Variants in ANKH observed in about 807,000 individuals in gnomAD.
ANKH encodes ANKH inorganic pyrophosphate transport regulator.
Under a neutral mutation model 49.0 loss-of-function variants are expected in ANKH, and 15 were observed. The ratio of observed to expected loss-of-function variants is 0.31; its 90% confidence interval spans 0.20 to 0.47. The LOEUF (loss-of-function observed/expected upper bound fraction) is 0.47, where lower values mean the gene tolerates loss of function less well. Among genes scored for constraint, ANKH ranks in the 20% least tolerant of loss-of-function variants. The pLI is 1.00. For missense variants in ANKH, 429 were observed against 652.0 expected (o/e 0.66, Z 3.72); for synonymous variants, 273 against 260.0 (o/e 1.05, Z -0.48).
intron 1 of ANKH, among the ~76,000 whole-genome samples, chr5:14,840,650 GAAATGAC>G (rs1283760728): frequency 6.6e-6 from 1 of 152,192 alleles, no homozygotes; most frequent in African/African-American, 2.4e-5. Flanking sequence ...GTGGTTTCTA[GAAATGAC>G]AAATGATCTG....
intron 8 of ANKH, among the ~76,000 whole-genome samples, chr5:14,731,022 G>A (rs1236043703): frequency 6.6e-6 from 1 of 152,222 alleles, no homozygotes; most frequent in Admixed American, 6.5e-5. Context: ...GGCCAAGGCA[G>A]CAGCCACCAA....
chr5:14,826,838 C>T (rs1008838372), intron 1 of ANKH, among the ~76,000 whole-genome samples: 63 of 152,292 alleles, frequency 4.1e-4, no homozygotes, highest in African/African-American at 1.4e-3. Flanking sequence ...TGACTAACAT[C>T]CATGTTCTTT....
chr5:14,711,599 A>T (rs184680011), intron 11 of ANKH, among the ~76,000 whole-genome samples: 1 of 152,108 alleles, frequency 6.6e-6, no homozygotes, highest in Non-Finnish European at 1.5e-5. Context: ...GCCCTTTCCA[A>T]TGAGGGCTGC....
At chr5:14,857,906 G>A (rs1580121326) in intron 1 of ANKH, among the ~76,000 whole-genome samples, 1 of 152,246 alleles carries the variant, frequency 6.6e-6, no homozygotes, top group South Asian at 2.1e-4. Flanking sequence ...CAGGGGTGTG[G>A]GGCCGCTCTG....
intron 1 of ANKH, among the ~76,000 whole-genome samples, chr5:14,828,564 C>A (rs766491821): frequency 2.0e-5 from 3 of 151,952 alleles, no homozygotes; most frequent in Non-Finnish European, 4.4e-5. Context: ...CAAAAAGTTT[C>A]CTCTTCTTTT....
rs1407648893 is a variant in ANKH at position 14,798,331 on chromosome 5, A to G, written c.97-29140T>C. 3.2e-6 allele frequency: 5 copies of G among 1,568,074 alleles called. No homozygotes were observed. In the African/African-American group the frequency reaches 4.1e-5, roughly 13 times the overall value. ...TAAAGAAAAGGGGTGTTCTTTTTCC[A>G]TATTTTGTATTCCTTGTTGATCACT... is the stretch of plus-strand genomic sequence containing the variant. On this transcript the variant is annotated intron_variant, in intron 1 of 11. Coordinates refer to ENST00000284268, the MANE Select transcript of ANKH (RefSeq NM_054027.6).
chr5:14,725,459 G>A lies in ANKH; in HGVS notation c.1012-8624C>T, dbSNP rs532641247. On this transcript the variant is annotated intron_variant, in intron 8 of 11. Transcript: ENST00000284268. This position sits in a 1 kb window ranked among gnomAD's most constrained non-coding sequence, Gnocchi z 4.0. Reference sequence around the variant, plus strand: ...TGGTGACCAAGTTGATTCACATTCCGGTGCTAGCTTCTTATCCCATCACGG... The same window carrying A: ...TGGTGACCAAGTTGATTCACATTCCAGTGCTAGCTTCTTATCCCATCACGG... 5.3e-5 allele frequency among the ~76,000 whole-genome samples: 8 copies of A among 152,304 alleles called. No homozygotes were observed. The South Asian group carries it at 1.2e-3, about 24-fold the overall frequency.
chr5:14,759,197 T>C (rs1738995590), intron 2 of ANKH, among the ~76,000 whole-genome samples: 1 of 152,166 alleles, frequency 6.6e-6, no homozygotes, highest in Non-Finnish European at 1.5e-5. Context: ...CAACTTAGGG[T>C]ATAGTCCTGC....
chr5:14,718,839 C>CCG (rs1491520738), intron 8 of ANKH, among the ~76,000 whole-genome samples: 1 of 133,826 alleles, frequency 7.5e-6, no homozygotes, highest in East Asian at 2.1e-4. Flanking sequence ...ACCCCCCCCC[C>CCG]AAAAAAAAAA....
At chr5:14,747,249 A>G (rs956765056) in intron 6 of ANKH, among the ~76,000 whole-genome samples, 1 of 152,218 alleles carries the variant, frequency 6.6e-6, no homozygotes, top group African/African-American at 2.4e-5. Context: ...TTAAATACAT[A>G]TTTTGTGCAG....
chr5:14,758,248 T>C (rs1177811751), intron 3 of ANKH, among the ~76,000 whole-genome samples: 1 of 152,202 alleles, frequency 6.6e-6, no homozygotes. Flanking sequence ...CAAAGTAGAA[T>C]GGAGGTTGCC....
intron 1 of ANKH, among the ~76,000 whole-genome samples, chr5:14,820,700 G>C (rs1741174065): frequency 6.6e-6 from 1 of 152,216 alleles, no homozygotes; most frequent in Non-Finnish European, 1.5e-5. Flanking sequence ...GCTAAAGGCA[G>C]ACCAGGAGGG....
chr5:14,723,675 G>A (rs1345342239), intron 8 of ANKH, among the ~76,000 whole-genome samples: 2 of 152,048 alleles, frequency 1.3e-5, no homozygotes. Context: ...AGAAGATGAC[G>A]ATTCATAATT....
At chr5:14,734,238 T>C (rs982168041) in intron 8 of ANKH, among the ~76,000 whole-genome samples, 6 of 151,846 alleles carry the variant, frequency 4.0e-5, no homozygotes, top group Non-Finnish European at 8.8e-5. Context: ...TAATCATTTT[T>C]CCCCCCAAAC....
chr5:14,804,462 G>A (rs921325659), intron 1 of ANKH, among the ~76,000 whole-genome samples: 5 of 152,172 alleles, frequency 3.3e-5, no homozygotes, highest in African/African-American at 1.2e-4. Context: ...AATAAGTAGT[G>A]TTGAACGGCA....
intron 1 of ANKH, among the ~76,000 whole-genome samples, chr5:14,825,101 T>C (rs1312763482): frequency 1.3e-5 from 2 of 152,184 alleles, no homozygotes; most frequent in South Asian, 2.1e-4. Flanking sequence ...TTAGAACAAA[T>C]ATTGAGGAAT....
chr5:14,768,658 G>A (rs1183265752), intron 2 of ANKH: 2 of 434,008 alleles, frequency 4.6e-6, no homozygotes, highest in East Asian at 4.7e-5. Flanking sequence ...GTACAATGAC[G>A]CACACATATC....
chr5:14,797,757 T>C (rs1740434992), intron 1 of ANKH: 4 of 1,610,844 alleles, frequency 2.5e-6, no homozygotes, highest in Admixed American at 3.3e-5. Context: ...ATCTACCACT[T>C]TTCCCTCCTT....
intron 1 of ANKH, chr5:14,797,020 A>G: frequency 8.5e-7 from 1 of 1,176,460 alleles, no homozygotes; most frequent in Non-Finnish European, 1.1e-6. Flanking sequence ...CCTATTATAT[A>G]GAGGGATAGC....
Sources: gnomAD v4.1 joint callset for allele counts (sites outside exome capture counted in the v4.1 genomes callset) on GRCh38, gnomAD v4.1.1 for gene constraint, Gnocchi (gnomAD v3.1) non-coding constraint, MANE v1.5 for transcripts, NCBI Gene and HGNC (gene_info 2026-07-23, HGNC 2026-07-21) for gene names.